UBE4A: variants seen among roughly 807,000 people sequenced by gnomAD.
UBE4A encodes ubiquitin conjugation factor E4 A.
Under a neutral mutation model 117.9 loss-of-function variants are expected in UBE4A, and 48 were observed. The observed-to-expected ratio is 0.41, with a 90% CI of 0.32 to 0.52. The LOEUF is 0.52. Ranked by LOEUF, UBE4A falls within the 20% of genes least tolerant of loss-of-function variation. UBE4A has a pLI of 0.33. For synonymous variants in UBE4A, 407 were observed against 450.0 expected (o/e 0.90, Z 1.21); for missense variants, 1,067 against 1,296.3 (o/e 0.82, Z 2.72).
chr11:118,363,181 A>G (rs1013638907), intron 1 of UBE4A, among the ~76,000 whole-genome samples: 2 of 152,108 alleles, frequency 1.3e-5, no homozygotes, highest in Non-Finnish European at 2.9e-5. Context: ...ATTAATTTCA[A>G]TACTAAATAT....
chr11:118,394,748 T>G (rs1042647408), intron 19 of UBE4A, among the ~76,000 whole-genome samples: 13 of 148,452 alleles, frequency 8.8e-5, no homozygotes, highest in Non-Finnish European at 1.5e-4. Flanking sequence ...CACTCCAGTC[T>G]GGGTGACAGA....
Position 118,398,762 on chromosome 11 carries a change from T to G in UBE4A, c.*2322T>G. 5.9e-6 allele frequency: 1 copy of G among 169,662 alleles called. No individual in the cohort carries two copies. The highest frequency in any genetic ancestry group is 1.3e-5 in the Non-Finnish European group (1 of 77,574). The allele number at this position is 169,662 out of a possible 1,614,324, so 10.5% of individuals were successfully genotyped here. A position where few individuals can be genotyped will look rare whatever the true frequency, so the allele number is the denominator to read the frequency against. On this transcript the variant is annotated 3_prime_UTR_variant, in exon 20 of 20. Coordinates refer to ENST00000252108, the MANE Select transcript of UBE4A (RefSeq NM_001204077.2). ...AGAGGCTAATACTAAACTTGGAAAA[T>G]TGTTTAAGTATGTTTTATCAAGCAG...
chr11:118,364,478 T>TA (rs1461840591), intron 1 of UBE4A, among the ~76,000 whole-genome samples: 3 of 152,196 alleles, frequency 2.0e-5, no homozygotes, highest in East Asian at 3.9e-4. Context: ...ACCCACAACA[T>TA]ACAGCTGAAC....
rs1434528538 is a variant in UBE4A at position 118,390,643 on chromosome 11, T to C, written c.2769-14T>C. 1.2e-5 allele frequency: 18 copies of C among 1,492,422 alleles called. No homozygotes were observed. The Admixed American group carries it at 4.4e-4, about 36-fold the overall frequency. The allele number at this position is 1,492,422 out of a possible 1,614,324, so 92.4% of individuals were successfully genotyped here. ...CCTCTGGTGATCAGTTTTTTTCTGA[T>C]GCTAATGTTCCAGGGATGAGGAGAA... On this transcript the variant is annotated splice_polypyrimidine_tract_variant and intron_variant, in intron 17 of 19. Transcript: ENST00000252108.
chr11:118,375,358 AT>A (rs1372073786), intron 9 of UBE4A, 129 bp downstream of exon 9: 28 of 970,684 alleles, frequency 2.9e-5, no homozygotes, highest in South Asian at 7.2e-5. Flanking sequence ...AGCTATTTCG[AT>A]TTTTTTTTCT....
rs782124793 is a variant in UBE4A at position 118,381,565 on chromosome 11, A to G, written c.2009+42A>G. On this transcript the variant is annotated intron_variant, in intron 12 of 19. Coordinates refer to ENST00000252108, the MANE Select transcript of UBE4A (RefSeq NM_001204077.2). ...TTGGTTCTGTCACTGTTTAGGCTGTAAAACATTCAGAAGACTTCTAAACCA... is the reference window on the plus strand; with the variant it reads ...TTGGTTCTGTCACTGTTTAGGCTGTGAAACATTCAGAAGACTTCTAAACCA... 1.0e-5 allele frequency: 16 copies of G among 1,601,062 alleles called. No homozygotes were observed. In the East Asian group the frequency reaches 1.3e-4, roughly 13 times the overall value.
At chr11:118,390,457 T>C (rs1304666798) in intron 17 of UBE4A, among the ~76,000 whole-genome samples, 200 bp from the exon 18 acceptor site, 1 of 145,072 alleles carries the variant, frequency 6.9e-6, no homozygotes, top group Non-Finnish European at 1.5e-5. Flanking sequence ...AAATATATAT[T>C]ATATTTTATT....
chr11:118,381,256 A>G lies in UBE4A; in HGVS notation c.1877-135A>G, dbSNP rs1262813735. ...AGATTTTACATTTATTGACTTAACGACCATCTCTAGTACCAACAAAACATT... is the reference window on the plus strand; with the variant it reads ...AGATTTTACATTTATTGACTTAACGGCCATCTCTAGTACCAACAAAACATT... On this transcript the variant is annotated intron_variant, in intron 11 of 19. Transcript: ENST00000252108. 3.8e-5 allele frequency: 40 copies of G among 1,049,508 alleles called. No homozygotes were observed. The East Asian group carries it at 9.6e-4, about 25-fold the overall frequency. The allele number at this position is 1,049,508 out of a possible 1,614,324, so 65.0% of individuals were successfully genotyped here.
At chr11:118,364,963 G>T in intron 1 of UBE4A, 77 bp from the exon 2 acceptor site, 1 of 1,242,782 alleles carries the variant, frequency 8.0e-7, no homozygotes, top group Non-Finnish European at 1.1e-6. Flanking sequence ...TGAGAAATGG[G>T]AAAAGAAACA....
At chr11:118,371,757 T>A in intron 5 of UBE4A, 91 bp downstream of exon 5, 1 of 1,358,344 alleles carries the variant, frequency 7.4e-7, no homozygotes, top group Non-Finnish European at 9.9e-7. Context: ...TTATTTCAAT[T>A]TATATATGTC....
chr11:118,381,608 A>G (rs1412831035), intron 12 of UBE4A, 85 bp downstream of exon 12: 5 of 1,537,416 alleles, frequency 3.3e-6, no homozygotes, highest in Non-Finnish European at 4.4e-6. Context: ...AACAAGCCTG[A>G]ATCATAAGGG....
At position 118,379,491 on chromosome 11, in the gene UBE4A, G is replaced by A. The variant is rs782480059; in HGVS notation, c.1617G>A (p.Leu539=). ...MVKINQNLHR[L]QVAWRDAQQS... is the part of the protein sequence containing the mutation. ...AAATCAACCAAAATCTGCATCGGCT[G>A]CAGGTTGCCTGGCGGGATGCTCAGC... is the stretch of plus-strand genomic sequence containing the variant. The change falls in exon 11 of 20, where the codon CTG becomes CTA. Residue 539 remains leucine (L), a synonymous_variant. Transcript: ENST00000252108. 6.2e-6 allele frequency: 10 copies of A among 1,613,982 alleles called. No homozygotes were observed. In the Admixed American group the frequency reaches 1.7e-4, roughly 27 times the overall value.
At chr11:118,383,050 C>G (rs1305721215) in intron 13 of UBE4A, among the ~76,000 whole-genome samples, 2 of 151,710 alleles carry the variant, frequency 1.3e-5, no homozygotes, top group African/African-American at 2.4e-5. Flanking sequence ...CCCAAAAGAT[C>G]AGTTTGTCCA....
chr11:118,362,023 A>G (rs780666580), intron 1 of UBE4A, among the ~76,000 whole-genome samples: 1 of 152,250 alleles, frequency 6.6e-6, no homozygotes, highest in Non-Finnish European at 1.5e-5. Flanking sequence ...TAAAATGTAG[A>G]AAGCTAGTTT....
rs1555125184 is a variant in UBE4A, at chr11:118,375,183, G to A, written c.1404G>A (p.Lys468=). The A allele has an allele frequency of 2.5e-6, 4 of 1,611,812 alleles. No individual in the cohort carries two copies. In the South Asian group the frequency reaches 3.3e-5, roughly 13 times the overall value. Residue 468 remains lysine (K), a synonymous_variant, in exon 9 of 20, where the codon AAG becomes AAA. Coordinates refer to ENST00000252108, the MANE Select transcript of UBE4A (RefSeq NM_001204077.2). ...LTFNPTYCAL[K]ELNDEERKIK... is the part of the protein sequence containing the mutation. ...TTAATCCCACATACTGTGCCCTCAA[G>A]GAGTTGAATGATGAAGAACGAAAAA...
At chr11:118,382,919 CTT>C (rs5795124) in intron 13 of UBE4A, 143 bp downstream of exon 13, 15,253 of 474,562 alleles carry the variant, frequency 0.032, no homozygotes, top group East Asian at 0.1. Flanking sequence ...ATGATAAGTG[CTT>C]TTTTTTTTTT....
intron 4 of UBE4A, among the ~76,000 whole-genome samples, chr11:118,369,990 G>T (rs574685049): frequency 1.3e-5 from 2 of 152,134 alleles, no homozygotes; most frequent in Admixed American, 6.5e-5. Flanking sequence ...TACTTGGGAG[G>T]CTGAGGCAGG....
intron 8 of UBE4A, among the ~76,000 whole-genome samples, chr11:118,374,006 C>T (rs190578404): frequency 6.6e-6 from 1 of 151,726 alleles, no homozygotes; most frequent in African/African-American, 2.4e-5. Context: ...CCCACCTACT[C>T]GGGAGGCTGA....
chr11:118,381,666 A>G (rs1697477157), intron 12 of UBE4A, 143 bp downstream of exon 12: 1 of 1,121,772 alleles, frequency 8.9e-7, no homozygotes, highest in African/African-American at 1.6e-5. Context: ...CTGACCATCC[A>G]TATGGGTAGC....
Sources: allele counts gnomAD v4.1 joint callset (sites outside exome capture counted in the v4.1 genomes callset), GRCh38; gene constraint gnomAD v4.1.1; transcripts MANE v1.5; gene names NCBI Gene and HGNC (gene_info 2026-07-23, HGNC 2026-07-21).